RUVBL2: variants seen among roughly 807,000 people sequenced by gnomAD.
The protein encoded by RUVBL2 is RuvB like AAA ATPase 2.
A neutral mutation model predicts 57.9 loss-of-function variants in RUVBL2; 9 were observed. The observed-to-expected ratio is 0.16, with a 90% CI of 0.09 to 0.27. The LOEUF is 0.27. Among genes scored for constraint, RUVBL2 ranks in the 10% least tolerant of loss-of-function variants. RUVBL2 has a pLI of 1.00. For synonymous variants in RUVBL2, 278 were observed against 264.6 expected (o/e 1.05, Z -0.49); for missense variants, 456 against 669.6 (o/e 0.68, Z 3.52).
intron 4 of RUVBL2, among the ~76,000 whole-genome samples, chr19:49,006,643 C>G (rs529247942): frequency 6.6e-6 from 1 of 152,370 alleles, no homozygotes; most frequent in Admixed American, 6.5e-5. Flanking sequence ...TCACTTGTAG[C>G]TATCGTGTGG....
At chr19:48,998,995 C>T (rs1306989584) in intron 1 of RUVBL2, among the ~76,000 whole-genome samples, 1 of 151,978 alleles carries the variant, frequency 6.6e-6, no homozygotes, top group Non-Finnish European at 1.5e-5. Context: ...CCACTGCACT[C>T]CAGCCTGGGT....
chr19:49,000,036 C>T, intron 2 of RUVBL2, among the ~76,000 whole-genome samples: 1 of 152,190 alleles, frequency 6.6e-6, no homozygotes. Context: ...GCAGTAAGGG[C>T]TTCTGGCTGT....
intron 1 of RUVBL2, among the ~76,000 whole-genome samples, chr19:48,997,628 CAAAA>C (rs34730869): frequency 2.8e-5 from 3 of 108,726 alleles, no homozygotes; most frequent in African/African-American, 6.0e-5. Context: ...GACTATGTCT[CAAAA>C]AAAAAAAAAA....
At chr19:49,004,051 G>A (rs2039234824) in intron 3 of RUVBL2, among the ~76,000 whole-genome samples, 2 of 147,876 alleles carry the variant, frequency 1.4e-5, no homozygotes, top group African/African-American at 2.5e-5. Context: ...TAGAGGTCAA[G>A]GCTACAGTGA....
Position 49,014,465 on chromosome 19 carries a change from C to T in RUVBL2, c.1002-19C>T, listed in dbSNP as rs767392860. 6 of 1,611,716 alleles carry T rather than the reference C, an allele frequency of 3.7e-6. No individual in the cohort carries two copies. Among genetic ancestry groups the T allele is most frequent in the Non-Finnish European group, 5.1e-6 (6 of 1,178,582 alleles). On this transcript the variant is annotated intron_variant, in intron 11 of 14. Transcript: ENST00000595090. ...GGGAACATGCCCCTGACAGCCCCCT[C>T]TTTCTGCCTCTTCCTCAGAATCCGG...
At chr19:49,003,723 G>GCAA (rs894051071) in intron 3 of RUVBL2, among the ~76,000 whole-genome samples, 7 of 151,588 alleles carry the variant, frequency 4.6e-5, no homozygotes, top group African/African-American at 1.7e-4. Flanking sequence ...GGTGGAGGTT[G>GCAA]CAATGAGCCG....
In RUVBL2 at chr19:48,999,290, T is replaced by C; in HGVS notation, c.13-29T>C. On this transcript the variant is annotated intron_variant, in intron 1 of 14. Transcript: ENST00000595090. The stretch of plus-strand genomic sequence containing the variant: ...TTGGTGAAAGCTGGGACCACACTAG[T>C]CCTCTGACACATCTTCTTGCACCCC... 1.9e-6 allele frequency: 3 copies of C among 1,613,628 alleles called. No individual in the cohort carries two copies. In the South Asian group the frequency reaches 3.3e-5, roughly 18 times the overall value.
chr19:49,012,037 G>A (rs1304415737), intron 11 of RUVBL2, among the ~76,000 whole-genome samples: 1 of 152,156 alleles, frequency 6.6e-6, no homozygotes, highest in Non-Finnish European at 1.5e-5. Flanking sequence ...GGGATGTGGA[G>A]GGCAGGCAGC....
At chr19:49,004,151 C>CT in intron 3 of RUVBL2, 126 bp from the exon 4 acceptor site, 1 of 666,304 alleles carries the variant, frequency 1.5e-6, no homozygotes, top group Non-Finnish European at 2.3e-6. Context: ...GCAGGGAAAG[C>CT]TTTTTTGGCT....
At chr19:49,010,219 A>G in intron 8 of RUVBL2, 153 bp downstream of exon 8, 1 of 785,980 alleles carries the variant, frequency 1.3e-6, no homozygotes, top group South Asian at 1.6e-5. Flanking sequence ...CTAGGACAGC[A>G]GGGCCCCTCA....
chr19:49,003,820 TA>T (rs1003692624), intron 3 of RUVBL2, among the ~76,000 whole-genome samples: 1 of 149,996 alleles, frequency 6.7e-6, no homozygotes, highest in Non-Finnish European at 1.5e-5. Context: ...TTTGCCACCT[TA>T]AAAAAAAGTT....
rs757457764 is a variant in RUVBL2, at chr19:49,011,341, A to T, written c.1001+31A>T. On this transcript the variant is annotated intron_variant, in intron 11 of 14. Coordinates refer to ENST00000595090, the MANE Select transcript of RUVBL2 (RefSeq NM_006666.3). The surrounding 1 kb of genome is among the most constrained non-coding windows in gnomAD (Gnocchi z 4.4). ...CCGGCTACAGGGGCCTCTGGGGAAA[A>T]CAGGATGCTCTGGGCAGTGGGTGTG... 2 of 1,569,972 alleles carry T rather than the reference A, an allele frequency of 1.3e-6. No individual in the cohort carries two copies. Among genetic ancestry groups the T allele is most frequent in the Non-Finnish European group, 1.8e-6 (2 of 1,141,412 alleles).
At chr19:49,014,864 T>C (rs1196562922) in intron 12 of RUVBL2, among the ~76,000 whole-genome samples, 157 bp from the exon 13 acceptor site, 1 of 152,176 alleles carries the variant, frequency 6.6e-6, no homozygotes, top group Non-Finnish European at 1.5e-5. Flanking sequence ...GCCCAGCCCC[T>C]GTCTCCGTGG....
intron 6 of RUVBL2, 48 bp from the exon 7 acceptor site, chr19:49,009,728 C>A (rs771756142): frequency 6.5e-7 from 1 of 1,532,778 alleles, no homozygotes; most frequent in Non-Finnish European, 9.0e-7. Context: ...ACTGGGGCAA[C>A]ATCAGGGCCC....
At position 49,011,408 on chromosome 19, in the gene RUVBL2, G is replaced by A. The variant is rs1358587467; in HGVS notation, c.1001+98G>A. 1.0e-6 allele frequency: 1 copy of A among 965,216 alleles called. No individual in the cohort carries two copies. The highest frequency in any genetic ancestry group is 1.6e-6 in the Non-Finnish European group (1 of 612,744). 59.8% of individuals were successfully genotyped at this position (965,216 alleles called of 1,614,324 possible). ...GAGCCTGTGTTGACACCGGGTCAGG[G>A]AGGGACGCGTGACTGCAGTGTGCGC... On this transcript the variant is annotated intron_variant, in intron 11 of 14. Transcript: ENST00000595090. This position sits in a 1 kb window ranked among gnomAD's most constrained non-coding sequence, Gnocchi z 4.4.
At position 49,009,967 on chromosome 19, in the gene RUVBL2, C is replaced by A. The variant is rs371784268; in HGVS notation, c.570-6C>A. ...TTTCCTTACCCTACCCCCCATCCCC[C>A]TGTAGGGACGTGATCACCATCGACA... On this transcript the variant is annotated splice_polypyrimidine_tract_variant and splice_region_variant and intron_variant, in intron 7 of 14. Transcript: ENST00000595090. The A allele has an allele frequency of 8.7e-6, 14 of 1,604,698 alleles. No homozygotes were observed. Among genetic ancestry groups the A allele is most frequent in the Non-Finnish European group, 1.1e-5 (13 of 1,174,154 alleles).
chr19:49,005,402 A>C (rs933601131), intron 4 of RUVBL2, among the ~76,000 whole-genome samples: 47 of 152,286 alleles, frequency 3.1e-4, no homozygotes, highest in African/African-American at 1.1e-3. Flanking sequence ...TTCCAAGGCG[A>C]CATGTGTTAC....
chr19:49,011,979 G>A lies in RUVBL2; in HGVS notation c.1001+669G>A, dbSNP rs887625489. On this transcript the variant is annotated intron_variant, in intron 11 of 14. Transcript: ENST00000595090. The surrounding 1 kb of genome is among the most constrained non-coding windows in gnomAD (Gnocchi z 4.4). ...ATTACGGGCACCTGCCACCATGCCC[G>A]CTGGCTGTCTTCTCCACCTCGCCAC... Among the ~76,000 whole-genome samples, 46 of 152,114 alleles carry A rather than the reference G, an allele frequency of 3.0e-4. No individual in the cohort carries two copies. Among genetic ancestry groups the A allele is most frequent in the African/African-American group, 8.9e-4 (37 of 41,406 alleles).
chr19:49,001,462 A>G (rs908808624), intron 2 of RUVBL2: 3 of 146,328 alleles, frequency 2.1e-5, no homozygotes, highest in Non-Finnish European at 4.5e-5. Context: ...GCGCCTGGCC[A>G]AAAAACAATA....
Sources: allele counts gnomAD v4.1 joint callset (sites outside exome capture counted in the v4.1 genomes callset), GRCh38; gene constraint gnomAD v4.1.1; non-coding constraint Gnocchi (gnomAD v3.1); transcripts MANE v1.5; gene names NCBI Gene and HGNC (gene_info 2026-07-23, HGNC 2026-07-21).